The following OTOG variants were observed in gnomAD, a reference collection of about 807,000 sequenced individuals.
OTOG encodes the protein otogelin.
OTOG carries 296 observed loss-of-function variants against 313.8 expected under a neutral mutation model. The observed-to-expected ratio is 0.94, with a 90% CI of 0.86 to 1.04. OTOG has a LOEUF of 1.04. OTOG is among the 50% of genes least tolerant of loss of function. OTOG has a pLI of 0.00. For synonymous variants in OTOG, 1,533 were observed against 1,554.9 expected (o/e 0.99, Z 0.33); for missense variants, 3,948 against 3,840.1 (o/e 1.03, Z -0.74).
chr11:17,550,747 A>C (rs1012009110), intron 3 of OTOG, among the ~76,000 whole-genome samples: 1 of 152,230 alleles, frequency 6.6e-6, no homozygotes, highest in Non-Finnish European at 1.5e-5. Context: ...GAGATAGATT[A>C]GTACCCGGGT....
At chr11:17,599,817 A>G in intron 31 of OTOG, 120 bp downstream of exon 31, 3 of 1,193,134 alleles carry the variant, frequency 2.5e-6, no homozygotes, top group Non-Finnish European at 3.6e-6. Context: ...GTGACCCGGA[A>G]TGGGAGGGCC....
chr11:17,570,496 C>A, intron 17 of OTOG, 106 bp downstream of exon 17: 1 of 1,055,832 alleles, frequency 9.5e-7, no homozygotes, highest in Non-Finnish European at 1.4e-6. Context: ...CTTCACTGTG[C>A]CCAGCATGCA....
At chr11:17,604,923 C>A (rs1180143855) in intron 32 of OTOG, among the ~76,000 whole-genome samples, 1 of 152,344 alleles carries the variant, frequency 6.6e-6, no homozygotes, top group Non-Finnish European at 1.5e-5. Context: ...GCCATCTTCT[C>A]GCAGCTTCCC....
At chr11:17,590,094 A>G (rs1852895931) in intron 24 of OTOG, among the ~76,000 whole-genome samples, 1 of 152,058 alleles carries the variant, frequency 6.6e-6, no homozygotes, top group South Asian at 2.1e-4. Context: ...AACTCTCCCA[A>G]TCTCATGGCT....
At chr11:17,643,358 G>A in intron 53 of OTOG, 103 bp from the exon 54 acceptor site, 1 of 749,502 alleles carries the variant, frequency 1.3e-6, no homozygotes, top group East Asian at 3.4e-5. Flanking sequence ...CACGGGGAGA[G>A]AAGAGTCAAG....
chr11:17,567,976 C>T (rs952721928), intron 15 of OTOG, among the ~76,000 whole-genome samples: 1 of 152,014 alleles, frequency 6.6e-6, no homozygotes, highest in African/African-American at 2.4e-5. Context: ...GGCGAGATCT[C>T]GGCTCACTGC....
chr11:17,620,653 T>A (rs776447018), intron 39 of OTOG, among the ~76,000 whole-genome samples: 6 of 152,214 alleles, frequency 3.9e-5, no homozygotes, highest in Non-Finnish European at 7.3e-5. Flanking sequence ...TTGCTGCTTT[T>A]ATGATTTTCC....
chr11:17,572,354 G>A, intron 18 of OTOG, 150 bp downstream of exon 18: 2 of 1,154,512 alleles, frequency 1.7e-6, no homozygotes, highest in East Asian at 2.6e-5. Flanking sequence ...GGGGAAAGGA[G>A]AGACAGTGAG....
chr11:17,632,342 A>G (rs1854151655), intron 42 of OTOG, 116 bp downstream of exon 42: 16 of 984,054 alleles, frequency 1.6e-5, no homozygotes, highest in Admixed American at 6.7e-5. Context: ...TTAATCATTC[A>G]TGGATTTATG....
chr11:17,569,980 T>G (rs1382387625), intron 16 of OTOG, among the ~76,000 whole-genome samples: 2 of 152,180 alleles, frequency 1.3e-5, no homozygotes, highest in Non-Finnish European at 2.9e-5. Context: ...TAAAAAAAAT[T>G]TCTTAGCCCA....
Position 17,610,377 on chromosome 11 carries a change from C to G in OTOG, c.5077C>G (p.Pro1693Ala), listed in dbSNP as rs1483184655. ...QPTQAQSASS[P>A]STPLTVAGTA... ...CACCCAGGCCCAGAGTGCTTCAAGT[C>G]CCAGCACCCCTCTAACTGTGGCTGG... The change falls in exon 36 of 56, where the codon CCC (proline) becomes GCC (alanine). Residue 1693 changes from proline (P) to alanine (A), a missense_variant. Coordinates refer to ENST00000399397, the MANE Select transcript of OTOG (RefSeq NM_001292063.2). 1 of 1,550,634 alleles carries G rather than the reference C, an allele frequency of 6.4e-7. No homozygotes were observed. Among genetic ancestry groups the G allele is most frequent in the Non-Finnish European group, 8.7e-7 (1 of 1,146,972 alleles).
rs1214778861 is a variant in OTOG at position 17,631,830 on chromosome 11, A to G, written c.6841A>G (p.Thr2281Ala). The G allele has an allele frequency of 6.4e-7, 1 of 1,550,532 alleles. No homozygotes were observed. Among genetic ancestry groups the G allele is most frequent in the Non-Finnish European group, 8.7e-7 (1 of 1,146,968 alleles). Residue 2281 changes from threonine to alanine, a missense_variant, in exon 41 of 56, where the codon ACC becomes GCC. Physicochemically the swap from Thr to Ala is moderately conservative, Grantham distance 58 (BLOSUM62 0). Transcript: ENST00000399397. ...CAGCTCCCTGACCTCAGTGGGCCAGACCCGCTTCCGCCCAGACAGCTGCGC... is the reference window on the plus strand; with the variant it reads ...CAGCTCCCTGACCTCAGTGGGCCAGGCCCGCTTCCGCCCAGACAGCTGCGC... Reference protein sequence around the residue: ...VPSSLTSVGQTRFRPDSCATT... With the variant: ...VPSSLTSVGQARFRPDSCATT...
intron 39 of OTOG, among the ~76,000 whole-genome samples, chr11:17,623,617 G>A (rs1190533251): frequency 1.3e-5 from 2 of 152,062 alleles, no homozygotes; most frequent in South Asian, 4.1e-4. Context: ...TATGTGTGCA[G>A]GTGTGTTTAT....
Position 17,633,666 on chromosome 11 carries a change from C to A in OTOG, c.7073-14C>A. 6.6e-7 allele frequency: 1 copy of A among 1,513,228 alleles called. No individual in the cohort carries two copies. Among genetic ancestry groups the A allele is most frequent in the South Asian group, 1.3e-5 (1 of 76,906 alleles). The allele number at this position is 1,513,228 out of a possible 1,614,324, so 93.7% of individuals were successfully genotyped here. A position where few individuals can be genotyped will look rare whatever the true frequency, so the allele number is the denominator to read the frequency against. On this transcript the variant is annotated splice_polypyrimidine_tract_variant and intron_variant, in intron 42 of 55. Coordinates refer to ENST00000399397, the MANE Select transcript of OTOG (RefSeq NM_001292063.2). ...GGGTCTGAGGTAGGCCTGGTGCCCA[C>A]TGTGCCCCTGCAGCCTTCCTGTGCT...
In OTOG at chr11:17,612,175, A is replaced by C. The variant is rs1362710212; in HGVS notation, c.6137A>C (p.Gln2046Pro). 1.3e-6 allele frequency: 2 copies of C among 1,549,592 alleles called. No individual in the cohort carries two copies. Among genetic ancestry groups the C allele is most frequent in the East Asian group, 4.9e-5 (2 of 40,912 alleles). Residue 2046 changes from glutamine to proline, a missense_variant, in exon 37 of 56, where the codon CAG becomes CCG. Gln to Pro is a moderately conservative substitution (Grantham distance 76). Coordinates refer to ENST00000399397, the MANE Select transcript of OTOG (RefSeq NM_001292063.2). ...TSTTCVPIAE[Q>P]DCVRHICLEG... ...CTCTGTACCCAGCCAATCGCCGAGC[A>C]GGACTGCGTCCGCCACATCTGCCTG...
At chr11:17,606,275 C>T in intron 33 of OTOG, 140 bp downstream of exon 33, 2 of 1,162,262 alleles carry the variant, frequency 1.7e-6, no homozygotes, top group Non-Finnish European at 2.3e-6. Flanking sequence ...CACATGGGTG[C>T]CACCCTGAGA....
rs182737838 is a variant in OTOG at position 17,613,261 on chromosome 11, T to C, written c.6439-351T>C. On this transcript the variant is annotated intron_variant, in intron 38 of 55. Transcript: ENST00000399397. ...TTTCTTTCTTTCTTTCTTTCTTTCT[T>C]TCTTTCTCTCTCTGTCTGTCTTTCT... 3.7e-3 allele frequency among the ~76,000 whole-genome samples: 500 copies of C among 135,044 alleles called. 9 individuals are homozygous for C. Among genetic ancestry groups the C allele is most frequent in the African/African-American group, 0.015 (482 of 32,142 alleles). The allele number at this position is 135,044 out of a possible 152,430, so 88.6% of individuals were successfully genotyped here.
chr11:17,620,409 T>A (rs751091755), intron 39 of OTOG, among the ~76,000 whole-genome samples: 3 of 152,246 alleles, frequency 2.0e-5, no homozygotes, highest in Non-Finnish European at 4.4e-5. Context: ...CATTGAAGCA[T>A]GTATCAATGC....
chr11:17,565,382 A>C (rs987561090), intron 15 of OTOG, among the ~76,000 whole-genome samples: 1 of 152,170 alleles, frequency 6.6e-6, no homozygotes, highest in African/African-American at 2.4e-5. Context: ...CATGTTCATC[A>C]CATCTTATCC....
Sources: allele counts gnomAD v4.1 joint callset (sites outside exome capture counted in the v4.1 genomes callset), GRCh38; gene constraint gnomAD v4.1.1; transcripts MANE v1.5; gene names NCBI Gene and HGNC (gene_info 2026-07-23, HGNC 2026-07-21).